The following RIMBP2 variants were observed in gnomAD, a reference collection of about 807,000 sequenced individuals.
RIMBP2 encodes RIMS binding protein 2, also known as RIMS-binding protein 2.
In RIMBP2, 48 loss-of-function variants were observed where a neutral mutation model predicts 118.6. The observed-to-expected ratio is 0.40, with a 90% CI of 0.32 to 0.51. The LOEUF (loss-of-function observed/expected upper bound fraction) is 0.51. Among genes scored for constraint, RIMBP2 ranks in the 20% least tolerant of loss-of-function variants. The pLI is 0.41. For missense variants in RIMBP2, 1,551 were observed against 1,768.3 expected (o/e 0.88, Z 2.20); for synonymous variants, 762 against 742.9 (o/e 1.03, Z -0.42).
chr12:130,456,671 G>A lies in RIMBP2; in HGVS notation c.183C>T (p.Cys61=), dbSNP rs757979290. The A allele has an allele frequency of 8.7e-6, 14 of 1,609,000 alleles. No individual in the cohort carries two copies. The East Asian group carries it at 3.1e-4, about 36-fold the overall frequency. Residue 61 remains cysteine, a synonymous_variant, in exon 7 of 23, where the codon TGC becomes TGT. Transcript: ENST00000690449. ...GGTTGAACTGCTCACTTTGAGTCCG[G>A]CATTTCTCTTCCAGCTCTCGAACCT... ...ESKVRELEEK[C]RTQSEQFNLL... is the part of the protein sequence containing the mutation.
chr12:130,538,028 G>A (rs922780126), intron 2 of RIMBP2, among the ~76,000 whole-genome samples: 4 of 152,028 alleles, frequency 2.6e-5, no homozygotes, highest in African/African-American at 7.2e-5. Flanking sequence ...ACTGACAAAA[G>A]CAAAATGCAG....
rs368757725 is a variant in RIMBP2 at position 130,578,757 on chromosome 12, G to C, written c.-217+49565C>G. Among the ~76,000 whole-genome samples the C allele has an allele frequency of 6.6e-6, 1 of 152,144 alleles. No homozygotes were observed. The highest frequency in any genetic ancestry group is 2.4e-5 in the African/African-American group (1 of 41,418). On this transcript the variant is annotated intron_variant, in intron 2 of 22. Transcript: ENST00000690449. This position sits in a 1 kb window ranked among gnomAD's most constrained non-coding sequence, Gnocchi z 4.1. The stretch of plus-strand genomic sequence containing the variant: ...ACTTGGCTTGTGCCTTCCACTGCAC[G>C]CTCCACTATCTGAAGTCGCAGGTCC...
intron 2 of RIMBP2, among the ~76,000 whole-genome samples, chr12:130,597,213 A>G (rs552638383): frequency 6.6e-6 from 1 of 152,366 alleles, no homozygotes; most frequent in South Asian, 2.1e-4. Context: ...CCAACAATAT[A>G]TTCAAAAGAA....
intron 7 of RIMBP2, among the ~76,000 whole-genome samples, chr12:130,455,592 G>A (rs959505369): frequency 1.3e-5 from 2 of 152,202 alleles, no homozygotes; most frequent in African/African-American, 2.4e-5. Context: ...GGCGTGGGAC[G>A]AGCGGAGAGG....
chr12:130,715,053 C>T (rs1018619660), intron 1 of RIMBP2, among the ~76,000 whole-genome samples: 1 of 152,216 alleles, frequency 6.6e-6, no homozygotes, highest in Non-Finnish European at 1.5e-5. Context: ...GCCCAGAGCC[C>T]GGACACCTCC....
At chr12:130,545,430 T>C (rs2055030698) in intron 2 of RIMBP2, among the ~76,000 whole-genome samples, 1 of 152,066 alleles carries the variant, frequency 6.6e-6, no homozygotes, top group African/African-American at 2.4e-5. Flanking sequence ...CATTATAAAA[T>C]ATTGATTTAA....
chr12:130,433,500 T>C (rs1362805067), intron 14 of RIMBP2, among the ~76,000 whole-genome samples: 2 of 152,214 alleles, frequency 1.3e-5, no homozygotes, highest in Admixed American at 1.3e-4. Context: ...AGCCTCTCTC[T>C]TCCTGGTCTG....
In RIMBP2 at chr12:130,422,812, T is replaced by G. The variant is rs554705298; in HGVS notation, c.3130-251A>C. The stretch of plus-strand genomic sequence containing the variant: ...ATAATTCCTTGTGGGGGGGTCTCTT[T>G]TGGTTGCTGCTGCTGGTGCTGAAGA... On this transcript the variant is annotated intron_variant, in intron 16 of 22. Transcript: ENST00000690449. The surrounding 1 kb of genome is among the most constrained non-coding windows in gnomAD (Gnocchi z 5.2). 6.6e-6 allele frequency among the ~76,000 whole-genome samples: 1 copy of G among 152,084 alleles called. No individual in the cohort carries two copies. The highest frequency in any genetic ancestry group is 1.5e-5 in the Non-Finnish European group (1 of 68,026).
chr12:130,545,735 C>A (rs1402192297), intron 2 of RIMBP2, among the ~76,000 whole-genome samples: 2 of 152,218 alleles, frequency 1.3e-5, no homozygotes, highest in African/African-American at 2.4e-5. Flanking sequence ...GGGGCTTACG[C>A]AGAATCTTCT....
intron 1 of RIMBP2, among the ~76,000 whole-genome samples, chr12:130,664,463 A>G (rs1292733681): frequency 2.3e-5 from 2 of 88,558 alleles, no homozygotes; most frequent in African/African-American, 3.6e-5. Flanking sequence ...ACATGCACGC[A>G]CACACACGCA....
intron 2 of RIMBP2, among the ~76,000 whole-genome samples, chr12:130,579,247 G>C (rs2058299096): frequency 6.6e-6 from 1 of 152,162 alleles, no homozygotes; most frequent in Admixed American, 6.5e-5. Context: ...GTTCACAGTG[G>C]CTGGCCTTTT....
chr12:130,573,874 A>G lies in RIMBP2; in HGVS notation c.-217+54448T>C, dbSNP rs533931901. On this transcript the variant is annotated intron_variant, in intron 2 of 22. Transcript: ENST00000690449. ...ATCCCATCCCCAGCAAGTTCCCCCAACATGCTCCCCTCCAGCTCACTTTCC... is the reference window on the plus strand; with the variant it reads ...ATCCCATCCCCAGCAAGTTCCCCCAGCATGCTCCCCTCCAGCTCACTTTCC... Among the ~76,000 whole-genome samples, 22 of 152,238 alleles carry G rather than the reference A, an allele frequency of 1.4e-4. No individual in the cohort carries two copies. The South Asian group carries it at 4.4e-3, about 30-fold the overall frequency.
chr12:130,637,468 T>A (rs931471888), intron 1 of RIMBP2, among the ~76,000 whole-genome samples: 1 of 152,222 alleles, frequency 6.6e-6, no homozygotes, highest in Non-Finnish European at 1.5e-5. Context: ...TAATTAGTCA[T>A]GCAATTAGTG....
chr12:130,647,013 G>C (rs906274123), intron 1 of RIMBP2, among the ~76,000 whole-genome samples: 4 of 152,208 alleles, frequency 2.6e-5, no homozygotes, highest in African/African-American at 9.6e-5. Context: ...GAGGCAGAGT[G>C]GGGACCCATC....
intron 1 of RIMBP2, among the ~76,000 whole-genome samples, chr12:130,632,629 G>C (rs901851917): frequency 6.6e-6 from 1 of 152,264 alleles, no homozygotes; most frequent in Non-Finnish European, 1.5e-5. Flanking sequence ...AGGCTAAGGG[G>C]CTTTAATATC....
At chr12:130,574,218 A>C (rs1593860911) in intron 2 of RIMBP2, among the ~76,000 whole-genome samples, 4 of 152,168 alleles carry the variant, frequency 2.6e-5, no homozygotes, top group African/African-American at 9.7e-5. Flanking sequence ...GCTGGAGCTA[A>C]ATAAATGCAA....
At chr12:130,609,001 G>A (rs1232915341) in intron 2 of RIMBP2, among the ~76,000 whole-genome samples, 1 of 152,070 alleles carries the variant, frequency 6.6e-6, no homozygotes, top group Non-Finnish European at 1.5e-5. Flanking sequence ...CTTCTTAGCT[G>A]CCATGTATGA....
At chr12:130,437,338 G>C in intron 12 of RIMBP2, 47 bp from the exon 13 acceptor site, 1 of 1,488,004 alleles carries the variant, frequency 6.7e-7, no homozygotes, top group Non-Finnish European at 9.1e-7. Flanking sequence ...GGTGAGCCCC[G>C]CGGTCCTGCA....
intron 21 of RIMBP2, 99 bp from the exon 22 acceptor site, chr12:130,399,912 T>C (rs1270692047): frequency 1.5e-6 from 2 of 1,361,284 alleles, no homozygotes; most frequent in Non-Finnish European, 2.0e-6. Flanking sequence ...AGGTACATGG[T>C]GAGTTTATTC....
Sources: gnomAD v4.1 joint callset for allele counts (sites outside exome capture counted in the v4.1 genomes callset) on GRCh38, gnomAD v4.1.1 for gene constraint, Gnocchi (gnomAD v3.1) non-coding constraint, MANE v1.5 for transcripts, NCBI Gene and HGNC (gene_info 2026-07-23, HGNC 2026-07-21) for gene names.